The following TMEM132D variants were observed in gnomAD, a reference collection of about 807,000 sequenced individuals.
The protein encoded by TMEM132D is transmembrane protein 132D, also known as mature OL transmembrane protein.
TMEM132D carries 21 observed loss-of-function variants against 62.3 expected under a neutral mutation model. The ratio of observed to expected loss-of-function variants is 0.34; its 90% CI spans 0.24 to 0.49. The LOEUF (loss-of-function observed/expected upper bound fraction) is 0.49. TMEM132D is among the 20% of genes least tolerant of loss of function. The probability of loss-of-function intolerance (pLI) is 0.99; values close to 1 mark genes in which losing one functional copy is unlikely to be tolerated. For missense variants in TMEM132D, 1,346 were observed against 1,402.8 expected (o/e 0.96, Z 0.65); for synonymous variants, 621 against 575.6 (o/e 1.08, Z -1.13).
intron 1 of TMEM132D, among the ~76,000 whole-genome samples, chr12:129,865,855 G>A (rs912257562): frequency 9.9e-5 from 15 of 152,166 alleles, no homozygotes; most frequent in African/African-American, 3.4e-4. Flanking sequence ...CAGTGGTCAC[G>A]GGACTAATGA....
At chr12:129,609,430 C>T (rs2137149835) in intron 2 of TMEM132D, among the ~76,000 whole-genome samples, 1 of 152,190 alleles carries the variant, frequency 6.6e-6, no homozygotes, top group African/African-American at 2.4e-5. Context: ...TAAAAACCCC[C>T]GTGGCATGGT....
intron 2 of TMEM132D, among the ~76,000 whole-genome samples, chr12:129,676,937 G>A (rs547480900): frequency 7.9e-5 from 12 of 151,822 alleles, no homozygotes; most frequent in South Asian, 6.3e-4. Context: ...ATCCTATCCC[G>A]CCTTTTGCAC....
At chr12:129,287,582 T>C (rs1593324145) in intron 4 of TMEM132D, among the ~76,000 whole-genome samples, 2 of 152,320 alleles carry the variant, frequency 1.3e-5, no homozygotes, top group East Asian at 1.9e-4. Context: ...ATTTGATGCA[T>C]AGGGAAAATA....
chr12:129,325,144 C>T (rs1006766201), intron 4 of TMEM132D, among the ~76,000 whole-genome samples: 5 of 152,130 alleles, frequency 3.3e-5, no homozygotes, highest in African/African-American at 9.7e-5. Context: ...TGATTCATTC[C>T]CCAGCACCAG....
intron 2 of TMEM132D, among the ~76,000 whole-genome samples, chr12:129,644,705 G>A (rs967316509): frequency 3.3e-5 from 5 of 151,912 alleles, no homozygotes; most frequent in Non-Finnish European, 5.9e-5. Flanking sequence ...TGGGCCAGGA[G>A]CAGTGGCTCA....
intron 3 of TMEM132D, among the ~76,000 whole-genome samples, chr12:129,372,873 T>C (rs1241355034): frequency 6.6e-6 from 1 of 152,152 alleles, no homozygotes. Flanking sequence ...AAAGGTAATG[T>C]GCTTGAATTA....
intron 5 of TMEM132D, among the ~76,000 whole-genome samples, chr12:129,136,723 TCAC>T (rs1398809522): frequency 6.0e-5 from 9 of 150,892 alleles, no homozygotes; most frequent in Non-Finnish European, 1.2e-4. Flanking sequence ...ATCATCCCCA[TCAC>T]CACCACCATT....
At chr12:129,266,135 A>T (rs1226845521) in intron 4 of TMEM132D, among the ~76,000 whole-genome samples, 1 of 152,108 alleles carries the variant, frequency 6.6e-6, no homozygotes, top group East Asian at 1.9e-4. Context: ...GCCATATTGG[A>T]TGGTCATTTC....
At chr12:129,355,565 C>T (rs1252751382) in intron 3 of TMEM132D, among the ~76,000 whole-genome samples, 1 of 152,156 alleles carries the variant, frequency 6.6e-6, no homozygotes, top group Non-Finnish European at 1.5e-5. Context: ...ATCTGAACGA[C>T]CCTTTCCTTG....
chr12:129,747,495 CACACACTCAG>C (rs1209837207), intron 1 of TMEM132D, among the ~76,000 whole-genome samples: 23 of 150,726 alleles, frequency 1.5e-4, no homozygotes, highest in Non-Finnish European at 3.0e-4. Flanking sequence ...TACCCTCTCA[CACACACTCAG>C]ACACACACAC....
intron 3 of TMEM132D, among the ~76,000 whole-genome samples, chr12:129,509,718 CA>C (rs530937045): frequency 8.5e-4 from 130 of 152,234 alleles, no homozygotes; most frequent in African/African-American, 2.9e-3. Context: ...ATGGAACATG[CA>C]ATGTTTGTCT....
chr12:129,187,157 C>T (rs1043223040), intron 5 of TMEM132D, among the ~76,000 whole-genome samples: 1 of 152,058 alleles, frequency 6.6e-6, no homozygotes, highest in Non-Finnish European at 1.5e-5. Context: ...CACCAGAGGG[C>T]AATAGAGGAG....
rs572763465 is a variant in TMEM132D, at chr12:129,095,097, G to C, written c.1444-10395C>G. Among the ~76,000 whole-genome samples the C allele has an allele frequency of 1.1e-4, 17 of 151,826 alleles. No homozygotes were observed. In the South Asian group the frequency reaches 3.1e-3, roughly 28 times the overall value. On this transcript the variant is annotated intron_variant, in intron 5 of 8. Transcript: ENST00000422113. ...ATCTAATGCTAAATGAAGAGTTAAT[G>C]GGTGCAGCCCACCAACATGGCGCAT...
At chr12:129,442,377 G>A (rs187564191) in intron 3 of TMEM132D, among the ~76,000 whole-genome samples, 175 of 152,316 alleles carry the variant, frequency 1.1e-3, no homozygotes, top group African/African-American at 3.9e-3. Flanking sequence ...CCATGCGTAT[G>A]TGTTAATGGA....
At chr12:129,106,080 T>G (rs1035777547) in intron 5 of TMEM132D, among the ~76,000 whole-genome samples, 9 of 150,930 alleles carry the variant, frequency 6.0e-5, no homozygotes, top group African/African-American at 2.2e-4. Flanking sequence ...TGGAATACTA[T>G]GCAGCCATAA....
At chr12:129,098,718 A>G (rs954784636) in intron 5 of TMEM132D, among the ~76,000 whole-genome samples, 1 of 152,172 alleles carries the variant, frequency 6.6e-6, no homozygotes, top group Admixed American at 6.5e-5. Context: ...TGACCTTATT[A>G]CATCTCCACT....
At chr12:129,423,580 T>C (rs1230821116) in intron 3 of TMEM132D, among the ~76,000 whole-genome samples, 1 of 152,160 alleles carries the variant, frequency 6.6e-6, no homozygotes, top group East Asian at 1.9e-4. Flanking sequence ...GGAAGGGGAC[T>C]GGTGAATGAG....
rs180855618 is a variant in TMEM132D at position 129,513,901 on chromosome 12, G to C, written c.1115+17158C>G. On this transcript the variant is annotated intron_variant, in intron 3 of 8. Coordinates refer to ENST00000422113, the MANE Select transcript of TMEM132D (RefSeq NM_133448.3). The stretch of plus-strand genomic sequence containing the variant: ...CGCCCAGGCTGGAGTGCAGTGGCAC[G>C]ATCTCGGCTGACTGCAAGCTCCGCC... Among the ~76,000 whole-genome samples the C allele has an allele frequency of 2.0e-5, 3 of 149,428 alleles. No individual in the cohort carries two copies. The Admixed American group carries it at 2.0e-4, about 10-fold the overall frequency.
chr12:129,268,791 G>A (rs1448576241), intron 4 of TMEM132D, among the ~76,000 whole-genome samples: 2 of 152,036 alleles, frequency 1.3e-5, no homozygotes, highest in African/African-American at 4.8e-5. Context: ...ATGAGAGACT[G>A]GATTAAGAAA....
Sources: allele counts gnomAD v4.1 joint callset (sites outside exome capture counted in the v4.1 genomes callset), GRCh38; gene constraint gnomAD v4.1.1; transcripts MANE v1.5; gene names NCBI Gene and HGNC (gene_info 2026-07-23, HGNC 2026-07-21).